BFSP1: variants seen among roughly 807,000 people sequenced by gnomAD.
BFSP1 encodes the protein beaded filament structural protein 1.
In BFSP1, 38 loss-of-function variants were observed where a neutral mutation model predicts 43.9. The ratio of observed to expected loss-of-function variants is 0.87; its 90% CI spans 0.67 to 1.14. The LOEUF (loss-of-function observed/expected upper bound fraction) is 1.14, where lower values mean the gene tolerates loss of function less well. BFSP1 is among the 50% of genes most tolerant of loss of function. The probability of loss-of-function intolerance (pLI) is 0.00; values close to 1 mark genes in which losing one functional copy is unlikely to be tolerated. For synonymous variants in BFSP1, 352 were observed against 354.8 expected, an observed-to-expected ratio of 0.99 and a Z score of 0.09; for missense variants, 850 against 875.1, an observed-to-expected ratio of 0.97 and a Z score of 0.36.
At chr20:17,547,892 G>A (rs929934451) in intron 1 of BFSP1, among the ~76,000 whole-genome samples, 8 of 128,110 alleles carry the variant, frequency 6.2e-5, no homozygotes, top group East Asian at 4.7e-4. Flanking sequence ...CACCATGCCC[G>A]GCCAATTTTT....
intron 1 of BFSP1, 57 bp from the exon 2 acceptor site, chr20:17,524,965 G>T: frequency 1.4e-6 from 2 of 1,447,050 alleles, no homozygotes; most frequent in South Asian, 1.1e-5. Context: ...CACATGTATG[G>T]ATCACATAAT....
intron 1 of BFSP1, among the ~76,000 whole-genome samples, chr20:17,565,168 G>A (rs924669359): frequency 6.6e-6 from 1 of 151,956 alleles, no homozygotes; most frequent in African/African-American, 2.4e-5. Context: ...CTATAGTTTT[G>A]CCTGTTCTAA....
intron 1 of BFSP1, among the ~76,000 whole-genome samples, chr20:17,552,969 T>C (rs1441611877): frequency 1.3e-5 from 2 of 152,092 alleles, no homozygotes; most frequent in Non-Finnish European, 2.9e-5. Flanking sequence ...AGAAGATATT[T>C]AAAGTCATGA....
At chr20:17,530,451 A>T (rs2034509405) in intron 1 of BFSP1, among the ~76,000 whole-genome samples, 2 of 152,268 alleles carry the variant, frequency 1.3e-5, no homozygotes, top group Non-Finnish European at 2.9e-5. Flanking sequence ...GAGCAAAAGA[A>T]GCCAGACAAT....
chr20:17,497,784 C>T (rs1319584732), intron 6 of BFSP1, among the ~76,000 whole-genome samples: 1 of 151,880 alleles, frequency 6.6e-6, no homozygotes, highest in East Asian at 1.9e-4. Flanking sequence ...TCAGGAGTTC[C>T]TTGTTCTATT....
intron 3 of BFSP1, among the ~76,000 whole-genome samples, chr20:17,512,419 G>T (rs1470477282): frequency 6.6e-6 from 1 of 151,588 alleles, no homozygotes; most frequent in Non-Finnish European, 1.5e-5. Flanking sequence ...AAAAAAAAGA[G>T]AAAAAAACCA....
intron 5 of BFSP1, among the ~76,000 whole-genome samples, chr20:17,505,918 G>A (rs1371546271): frequency 6.6e-6 from 1 of 152,136 alleles, no homozygotes; most frequent in African/African-American, 2.4e-5. Flanking sequence ...TTTTCCCCTT[G>A]GTGCTACACC....
intron 7 of BFSP1, among the ~76,000 whole-genome samples, chr20:17,495,863 G>A (rs368609818): frequency 2.6e-5 from 4 of 152,146 alleles, no homozygotes; most frequent in East Asian, 1.9e-4. Context: ...GGGCAAGACC[G>A]ATCAAGCACC....
intron 2 of BFSP1, among the ~76,000 whole-genome samples, chr20:17,520,763 C>T (rs1028443408): frequency 8.5e-5 from 13 of 152,264 alleles, no homozygotes; most frequent in Admixed American, 6.5e-4. Flanking sequence ...TTCTCTTCTC[C>T]GGAAGTTCAT....
intron 5 of BFSP1, among the ~76,000 whole-genome samples, chr20:17,503,221 G>C (rs193074383): frequency 1.7e-3 from 254 of 152,238 alleles, no homozygotes; most frequent in Non-Finnish European, 2.9e-3. Flanking sequence ...GTAGAGACAA[G>C]GTCTAATTAT....
chr20:17,518,173 G>GT (rs768116132), intron 2 of BFSP1, among the ~76,000 whole-genome samples: 1 of 152,178 alleles, frequency 6.6e-6, no homozygotes, highest in Non-Finnish European at 1.5e-5. Flanking sequence ...GTTTTTGGGG[G>GT]TTTTTGTTTT....
At chr20:17,502,012 C>A (rs1210973862) in intron 5 of BFSP1, among the ~76,000 whole-genome samples, 1 of 151,952 alleles carries the variant, frequency 6.6e-6, no homozygotes, top group Non-Finnish European at 1.5e-5. Context: ...GAAATGAAGC[C>A]GAAAGGCAAA....
upstream of BFSP1, among the ~76,000 whole-genome samples, chr20:17,532,631 A>G (rs1253612345): frequency 6.6e-6 from 1 of 151,862 alleles, no homozygotes; most frequent in African/African-American, 2.4e-5. Context: ...TTTAATTTTT[A>G]TTATGGAACT....
At chr20:17,505,012 G>A (rs1373978612) in intron 5 of BFSP1, among the ~76,000 whole-genome samples, 3 of 151,240 alleles carry the variant, frequency 2.0e-5, no homozygotes, top group Non-Finnish European at 4.4e-5. Context: ...GGTGCTAAGT[G>A]ACTTTAATGA....
chr20:17,562,103 G>A (rs1034344932), upstream of BFSP1, among the ~76,000 whole-genome samples: 15 of 151,638 alleles, frequency 9.9e-5, no homozygotes, highest in African/African-American at 3.6e-4. Flanking sequence ...TGTATTTTTA[G>A]TAGAGATGGG....
intron 2 of BFSP1, among the ~76,000 whole-genome samples, chr20:17,519,684 A>G (rs1600656533): frequency 6.6e-6 from 1 of 152,334 alleles, no homozygotes; most frequent in East Asian, 1.9e-4. Context: ...TTAAATCTTT[A>G]TAACTGCTCA....
exon 1 of BFSP1, chr20:17,569,210 A>C (rs2035159888): frequency 6.6e-6 from 1 of 152,218 alleles, no homozygotes; most frequent in African/African-American, 2.4e-5. Context: ...CTGCATGGCC[A>C]CGGTCGCCTC....
intron 2 of BFSP1, among the ~76,000 whole-genome samples, chr20:17,515,991 A>C (rs2034192001): frequency 6.6e-6 from 1 of 152,182 alleles, no homozygotes; most frequent in African/African-American, 2.4e-5. Context: ...CCCTTGTGCT[A>C]CTAGGGTTTC....
At chr20:17,495,775 G>T (rs1448050434) in intron 7 of BFSP1, among the ~76,000 whole-genome samples, 18 of 152,166 alleles carry the variant, frequency 1.2e-4, no homozygotes, top group Non-Finnish European at 1.0e-4. Context: ...GAGGCTTCCC[G>T]GCTCCACCCA....
Sources: gnomAD v4.1 joint callset for allele counts (sites outside exome capture counted in the v4.1 genomes callset) on GRCh38, gnomAD v4.1.1 for gene constraint, MANE v1.5 for transcripts, NCBI Gene and HGNC (gene_info 2026-07-23, HGNC 2026-07-21) for gene names.